TENM3: variants seen among roughly 807,000 people sequenced by gnomAD.
TENM3 encodes the protein teneurin transmembrane protein 3, also known as teneurin-3.
TENM3 carries 63 observed loss-of-function variants against 255.1 expected under a neutral mutation model. The ratio of observed to expected loss-of-function variants is 0.25; its 90% CI spans 0.20 to 0.30. The LOEUF (loss-of-function observed/expected upper bound fraction) is 0.30. Ranked by LOEUF, TENM3 falls within the 10% of genes least tolerant of loss-of-function variation. The pLI, the probability that TENM3 is intolerant of heterozygous loss-of-function variation, is 1.00. For synonymous variants in TENM3, 1,306 were observed against 1,322.3 expected, an observed-to-expected ratio of 0.99 and a Z score of 0.27; for missense variants, 2,929 against 3,461.1, an observed-to-expected ratio of 0.85 and a Z score of 3.86.
intron 3 of TENM3, among the ~76,000 whole-genome samples, chr4:182,517,114 A>T (rs560529953): frequency 6.6e-6 from 1 of 152,304 alleles, no homozygotes; most frequent in South Asian, 2.1e-4. Context: ...AAAGGAATAG[A>T]AACTCTGCAT....
At chr4:181,576,095 T>A in the TENM3 span, among the ~76,000 whole-genome samples, 1 of 152,182 alleles carries the variant, frequency 6.6e-6, no homozygotes, top group East Asian at 1.9e-4. Context: ...TTTCTGATCA[T>A]CCGCCCCTCC....
At chr4:182,583,735 A>G (rs1419831252) in intron 3 of TENM3, among the ~76,000 whole-genome samples, 1 of 152,068 alleles carries the variant, frequency 6.6e-6, no homozygotes. Flanking sequence ...TTAAAAGTAA[A>G]TTAGTAATTA....
At chr4:182,522,145 A>T (rs1440014341) in intron 3 of TENM3, among the ~76,000 whole-genome samples, 2 of 152,186 alleles carry the variant, frequency 1.3e-5, no homozygotes, top group African/African-American at 4.8e-5. Context: ...GGTAATTGGG[A>T]TATCCAGCAC....
chr4:181,953,352 G>A, the TENM3 span, among the ~76,000 whole-genome samples: 1 of 151,940 alleles, frequency 6.6e-6, no homozygotes, highest in Non-Finnish European at 1.5e-5. Flanking sequence ...TCAACACATA[G>A]GAAGGATATT....
At chr4:182,099,898 G>C in the TENM3 span, among the ~76,000 whole-genome samples, 1 of 152,016 alleles carries the variant, frequency 6.6e-6, no homozygotes, top group African/African-American at 2.4e-5. Flanking sequence ...GGCTGCCCGG[G>C]AACAGAAGAA....
chr4:181,833,956 G>T, the TENM3 span, among the ~76,000 whole-genome samples: 1 of 152,010 alleles, frequency 6.6e-6, no homozygotes, highest in Non-Finnish European at 1.5e-5. Context: ...ATTAATTAAG[G>T]CAACTCCAAC....
the TENM3 span, among the ~76,000 whole-genome samples, chr4:182,109,981 C>T: frequency 1.3e-5 from 2 of 151,798 alleles, no homozygotes; most frequent in African/African-American, 2.4e-5. Context: ...TAAAATGTGA[C>T]ATAAAAATTA....
At chr4:182,221,022 G>A (rs1343091599) in intron 1 of TENM3, among the ~76,000 whole-genome samples, 2 of 152,176 alleles carry the variant, frequency 1.3e-5, no homozygotes, top group African/African-American at 4.8e-5. Flanking sequence ...ATTTATGTAT[G>A]TCAAGTTATT....
rs1453430153 is a variant in TENM3, at chr4:182,754,873, G to A, written c.4506G>A (p.Lys1502=). 1 of 1,614,044 alleles carries A rather than the reference G, an allele frequency of 6.2e-7. No homozygotes were observed. Among genetic ancestry groups the A allele is most frequent in the Admixed American group, 1.7e-5 (1 of 60,022 alleles). ...GGATCCGGGCTGTGTCAAAGAATAA[G>A]CCTTTACTTAACTCTATGAACTTCT... ...NIRIRAVSKN[K]PLLNSMNFYE... Residue 1502 remains lysine, a synonymous_variant, in exon 22 of 28, where the codon AAG becomes AAA. Transcript: ENST00000511685. This position sits in a 1 kb window ranked among gnomAD's most constrained non-coding sequence, Gnocchi z 5.1.
chr4:182,599,991 T>G (rs1747670696), intron 3 of TENM3, among the ~76,000 whole-genome samples: 1 of 152,220 alleles, frequency 6.6e-6, no homozygotes, highest in African/African-American at 2.4e-5. Flanking sequence ...AGATGTTACA[T>G]TAATTTGTGA....
At chr4:182,606,915 G>C (rs1748495173) in intron 4 of TENM3, among the ~76,000 whole-genome samples, 1 of 152,180 alleles carries the variant, frequency 6.6e-6, no homozygotes, top group Admixed American at 6.5e-5. Flanking sequence ...GGTGGATATA[G>C]TAGGGATACA....
intron 3 of TENM3, among the ~76,000 whole-genome samples, chr4:182,592,161 T>G (rs1455528617): frequency 6.6e-6 from 1 of 151,646 alleles, no homozygotes; most frequent in African/African-American, 2.4e-5. Flanking sequence ...TGCAACAGAT[T>G]TATTTTTAAA....
chr4:182,449,600 A>T (rs1196991485), intron 3 of TENM3, among the ~76,000 whole-genome samples: 1 of 152,168 alleles, frequency 6.6e-6, no homozygotes, highest in Admixed American at 6.5e-5. Context: ...TATGTCTGAA[A>T]TGTGCAAAAA....
At chr4:182,359,726 C>T (rs1765827696) in intron 3 of TENM3, among the ~76,000 whole-genome samples, 1 of 151,282 alleles carries the variant, frequency 6.6e-6, no homozygotes, top group Admixed American at 6.6e-5. Context: ...TCCTTCAGTT[C>T]TGCTCTGATT....
chr4:182,289,421 C>A (rs1760965352), intron 1 of TENM3, among the ~76,000 whole-genome samples: 1 of 152,218 alleles, frequency 6.6e-6, no homozygotes, highest in Non-Finnish European at 1.5e-5. Flanking sequence ...GTGCAGGGCC[C>A]TGCCCTCTGC....
the TENM3 span, among the ~76,000 whole-genome samples, chr4:181,790,833 C>T: frequency 1.3e-5 from 2 of 152,274 alleles, no homozygotes; most frequent in Admixed American, 1.3e-4. Context: ...GAATCTTCCT[C>T]AATGGAAATT....
At chr4:182,292,383 A>T (rs1171899943) in intron 1 of TENM3, among the ~76,000 whole-genome samples, 1 of 152,200 alleles carries the variant, frequency 6.6e-6, no homozygotes, top group Non-Finnish European at 1.5e-5. Context: ...TTGGTAATAG[A>T]TTGCTTGTCT....
Position 182,789,201 on chromosome 4 carries a change from G to A in TENM3, c.5413G>A (p.Gly1805Arg). The A allele has an allele frequency of 1.2e-6, 2 of 1,613,130 alleles. No homozygotes were observed. Among genetic ancestry groups the A allele is most frequent in the Non-Finnish European group, 1.7e-6 (2 of 1,179,550 alleles). Reference sequence around the variant, plus strand: ...ACTGAGGATCGCCTACGACACGTCTGGGCACCCGACTCTCTGGCTGCCAAG... The same window carrying A: ...ACTGAGGATCGCCTACGACACGTCTAGGCACCCGACTCTCTGGCTGCCAAG... ...FLLRIAYDTSGHPTLWLPSSK... is the reference protein window; with the variant it reads ...FLLRIAYDTSRHPTLWLPSSK... Residue 1805 changes from glycine to arginine, a missense_variant, in exon 25 of 28, where the codon GGG (glycine) becomes AGG (arginine). Gly to Arg is a moderately radical substitution (Grantham distance 125). This residue lies in a region of TENM3 where 303 missense variants were observed against 425.2 expected (regional missense o/e 0.71). Transcript: ENST00000511685. The surrounding 1 kb of genome is among the most constrained non-coding windows in gnomAD (Gnocchi z 4.4).
At chr4:182,502,174 C>T (rs929652595) in intron 3 of TENM3, among the ~76,000 whole-genome samples, 1 of 152,142 alleles carries the variant, frequency 6.6e-6, no homozygotes, top group East Asian at 1.9e-4. Flanking sequence ...TGTCATTCTT[C>T]CTTGATTATA....
Sources: gnomAD v4.1 joint callset for allele counts (sites outside exome capture counted in the v4.1 genomes callset) on GRCh38, gnomAD v4.1.1 for gene constraint, gnomAD v4.1.1 regional missense constraint, Gnocchi (gnomAD v3.1) non-coding constraint, MANE v1.5 for transcripts, NCBI Gene and HGNC (gene_info 2026-07-23, HGNC 2026-07-21) for gene names.